TANGO2: variants seen among roughly 807,000 people sequenced by gnomAD.
TANGO2 encodes transport and golgi organization 2 homolog.
TANGO2 carries 26 observed loss-of-function variants against 39.1 expected under a neutral mutation model. The ratio of observed to expected loss-of-function variants is 0.67; its 90% CI spans 0.49 to 0.92. TANGO2 has a LOEUF of 0.92. TANGO2 is among the 40% of genes least tolerant of loss of function. The pLI is 0.00. For synonymous variants in TANGO2, 131 were observed against 144.5 expected (o/e 0.91, Z 0.67); for missense variants, 326 against 360.1 (o/e 0.91, Z 0.77).
At position 20,043,444 on chromosome 22, in the gene TANGO2, G is replaced by A. The variant is rs1471249671; in HGVS notation, c.145+1G>A. On this transcript the variant is annotated splice_donor_variant, in intron 3 of 8. Transcript: ENST00000327374. LOFTEE classifies it high-confidence loss of function. Reference sequence around the variant, plus strand: ...GGGAACAACAACGAGATCCTCAGTGGTGAGTCTTCCTGCGTGCTCAGCGGT... The same window carrying A: ...GGGAACAACAACGAGATCCTCAGTGATGAGTCTTCCTGCGTGCTCAGCGGT... 3 of 1,610,036 alleles carry A rather than the reference G, an allele frequency of 1.9e-6. No individual in the cohort carries two copies. The highest frequency in any genetic ancestry group is 2.2e-5 in the East Asian group (1 of 44,832).
At chr22:20,034,321 T>A (rs932142883) in intron 1 of TANGO2, among the ~76,000 whole-genome samples, 1 of 152,240 alleles carries the variant, frequency 6.6e-6, no homozygotes, top group Admixed American at 6.5e-5. Context: ...CAGAGCATGG[T>A]TGGTTGATGA....
At chr22:20,059,744 A>G (rs2147755526) in intron 6 of TANGO2, among the ~76,000 whole-genome samples, 1 of 152,294 alleles carries the variant, frequency 6.6e-6, no homozygotes, top group South Asian at 2.1e-4. Context: ...TTATACATTC[A>G]TTCTAGCTAC....
chr22:20,041,629 A>G (rs893915649), intron 2 of TANGO2, among the ~76,000 whole-genome samples: 2 of 151,568 alleles, frequency 1.3e-5, no homozygotes, highest in African/African-American at 4.9e-5. Flanking sequence ...TGTATTTTTA[A>G]TAGAGATGGG....
intron 3 of TANGO2, among the ~76,000 whole-genome samples, chr22:20,051,024 G>A (rs1157009694): frequency 6.6e-6 from 1 of 150,654 alleles, no homozygotes; most frequent in Non-Finnish European, 1.5e-5. Flanking sequence ...ACCACGCCTG[G>A]CTAATTTTGT....
At chr22:20,037,105 G>C in intron 2 of TANGO2, 1 of 1,517,884 alleles carries the variant, frequency 6.6e-7, no homozygotes, top group East Asian at 2.3e-5. Flanking sequence ...GTAGGACAGA[G>C]GAGTGACATG....
chr22:20,061,190 G>T lies in TANGO2; in HGVS notation c.452-340G>T, dbSNP rs145427677. 3.5e-3 allele frequency: 681 copies of T among 194,130 alleles called. 11 individuals are homozygous for T. The highest frequency in any genetic ancestry group is 0.015 in the African/African-American group (642 of 42,970). The allele number at this position is 194,130 out of a possible 1,614,324, so 12.0% of individuals were successfully genotyped here. On this transcript the variant is annotated intron_variant, in intron 6 of 8. Coordinates refer to ENST00000327374, the MANE Select transcript of TANGO2 (RefSeq NM_152906.7). ...ACTTCTCAGGTGGCCCCCCAACCTG[G>T]CGTGAGGTGAAGAGGTTCCCTCTTG...
rs988631478 is a variant in TANGO2, at chr22:20,065,866, T to C, written c.*1204T>C. The stretch of plus-strand genomic sequence containing the variant: ...TTCCCTCCAGGTGAGGCAAACTTCA[T>C]AGGAATCTGTACCTGAATGTGAGCT... On this transcript the variant is annotated 3_prime_UTR_variant, in exon 9 of 9. Coordinates refer to ENST00000327374, the MANE Select transcript of TANGO2 (RefSeq NM_152906.7). 1 of 152,322 alleles carries C rather than the reference T, an allele frequency of 6.6e-6. No individual in the cohort carries two copies. Among genetic ancestry groups the C allele is most frequent in the Non-Finnish European group, 1.5e-5 (1 of 68,124 alleles). The allele number at this position is 152,322 out of a possible 1,614,324, so 9.4% of individuals were successfully genotyped here.
At chr22:20,056,796 C>T (rs1444523366) in intron 6 of TANGO2, 5 of 456,490 alleles carry the variant, frequency 1.1e-5, no homozygotes, top group African/African-American at 2.0e-5. Flanking sequence ...AGCCTAGGTT[C>T]CGGGGACTGC....
Position 20,057,442 on chromosome 22 carries a change from G to A in TANGO2, c.451+1429G>A, listed in dbSNP as rs1029833989. ...AGTGTGTCCCACCCACTGCCCCCAC[G>A]CCTACCAGCTGGTGCCCTCTCCTCC... is the stretch of plus-strand genomic sequence containing the variant. On this transcript the variant is annotated intron_variant, in intron 6 of 8. Coordinates refer to ENST00000327374, the MANE Select transcript of TANGO2 (RefSeq NM_152906.7). The surrounding 1 kb of genome is among the most constrained non-coding windows in gnomAD (Gnocchi z 4.1). 2.0e-5 allele frequency among the ~76,000 whole-genome samples: 3 copies of A among 152,264 alleles called. No homozygotes were observed. Among genetic ancestry groups the A allele is most frequent in the South Asian group, 4.1e-4 (2 of 4,826 alleles).
intron 2 of TANGO2, 50 bp downstream of exon 2, chr22:20,036,904 C>T (rs747151285): frequency 6.2e-7 from 1 of 1,614,192 alleles, no homozygotes; most frequent in Non-Finnish European, 8.5e-7. Flanking sequence ...CCTGGGTGCC[C>T]AGCCAGTTCT....
intron 7 of TANGO2, 126 bp downstream of exon 7, chr22:20,061,809 C>A: frequency 1.6e-6 from 2 of 1,233,100 alleles, no homozygotes; most frequent in Non-Finnish European, 2.2e-6. Context: ...TGCAGGGAAG[C>A]TGATGGATAT....
intron 2 of TANGO2, among the ~76,000 whole-genome samples, chr22:20,039,857 AC>A (rs1337210947): frequency 3.2e-5 from 4 of 124,978 alleles, no homozygotes; most frequent in African/African-American, 1.2e-4. Flanking sequence ...GAACACACTC[AC>A]CCCCCGAGAT....
At chr22:20,022,226 C>T (rs1035502406) in intron 1 of TANGO2, among the ~76,000 whole-genome samples, 1 of 152,238 alleles carries the variant, frequency 6.6e-6, no homozygotes, top group Admixed American at 6.5e-5. Context: ...TTCCCAAGGT[C>T]ATTCAGAGCC....
At chr22:20,051,139 G>C (rs1683831301) in intron 3 of TANGO2, among the ~76,000 whole-genome samples, 1 of 151,668 alleles carries the variant, frequency 6.6e-6, no homozygotes, top group African/African-American at 2.4e-5. Flanking sequence ...GGGATTACAG[G>C]TGTGAGTCAC....
At chr22:20,035,492 C>T (rs2042673404) in intron 1 of TANGO2, among the ~76,000 whole-genome samples, 1 of 152,232 alleles carries the variant, frequency 6.6e-6, no homozygotes, top group Non-Finnish European at 1.5e-5. Flanking sequence ...CCTTGGGTGG[C>T]CTCGGAATCT....
intron 1 of TANGO2, among the ~76,000 whole-genome samples, chr22:20,035,025 A>C (rs1349865842): frequency 6.6e-6 from 1 of 152,210 alleles, no homozygotes; most frequent in Non-Finnish European, 1.5e-5. Context: ...GGGCGCTTCC[A>C]GGGCACCCGG....
rs1602437494 is a variant in TANGO2 at position 20,064,459 on chromosome 22, G to C, written c.711-83G>C. The C allele has an allele frequency of 3.1e-5, 48 of 1,565,346 alleles. No individual in the cohort carries two copies. The East Asian group carries it at 1.1e-3, about 35-fold the overall frequency. Reference sequence around the variant, plus strand: ...ATGGGGTTCCTAACTCTACCTGCCTGCATTCTTGCCCTATTTGTGGCTGTG... The same window carrying C: ...ATGGGGTTCCTAACTCTACCTGCCTCCATTCTTGCCCTATTTGTGGCTGTG... On this transcript the variant is annotated intron_variant, in intron 8 of 8. Transcript: ENST00000327374.
intron 2 of TANGO2, among the ~76,000 whole-genome samples, chr22:20,042,790 A>T (rs535775951): frequency 6.6e-6 from 1 of 152,228 alleles, no homozygotes; most frequent in South Asian, 2.1e-4. Context: ...ATAAAAATGG[A>T]AATATTTGTT....
intron 5 of TANGO2, chr22:20,053,909 C>A (rs920392975): frequency 1.4e-5 from 5 of 362,710 alleles, no homozygotes; most frequent in Admixed American, 3.7e-5. Flanking sequence ...GGATGCTGTG[C>A]TCCCAGGGAA....
Sources: gnomAD v4.1 joint callset for allele counts (sites outside exome capture counted in the v4.1 genomes callset) on GRCh38, gnomAD v4.1.1 for gene constraint, Gnocchi (gnomAD v3.1) non-coding constraint, MANE v1.5 for transcripts, NCBI Gene and HGNC (gene_info 2026-07-23, HGNC 2026-07-21) for gene names.